RAB28: variants seen among roughly 807,000 people sequenced by gnomAD.
The protein encoded by RAB28 is ras-related protein Rab-28.
A neutral mutation model predicts 31.7 loss-of-function variants in RAB28; 24 were observed. The observed-to-expected ratio is 0.76, with a 90% CI of 0.55 to 1.06. RAB28 has a LOEUF of 1.06. Among genes scored for constraint, RAB28 ranks in the 50% least tolerant of loss-of-function variants. The pLI, the probability that RAB28 is intolerant of heterozygous loss-of-function variation, is 0.00. For synonymous variants in RAB28, 100 were observed against 90.4 expected, an observed-to-expected ratio of 1.11 and a Z score of -0.60; for missense variants, 254 against 258.5, an observed-to-expected ratio of 0.98 and a Z score of 0.12.
At chr4:13,483,820 G>C (rs1326715587) in intron 1 of RAB28, among the ~76,000 whole-genome samples, 1 of 152,244 alleles carries the variant, frequency 6.6e-6, no homozygotes, top group Non-Finnish European at 1.5e-5. Context: ...TGAAAGGCTG[G>C]CCCGAGTCTT....
chr4:13,427,979 G>A (rs1417367552), intron 4 of RAB28, among the ~76,000 whole-genome samples: 1 of 152,148 alleles, frequency 6.6e-6, no homozygotes, highest in Non-Finnish European at 1.5e-5. Context: ...CCTTTTAAGG[G>A]CTTAGAACTC....
chr4:13,432,415 C>T (rs1293465597), intron 4 of RAB28, among the ~76,000 whole-genome samples: 1 of 152,078 alleles, frequency 6.6e-6, no homozygotes, highest in East Asian at 1.9e-4. Flanking sequence ...GAGAGGTCAA[C>T]ATCCAGAGAA....
At chr4:13,436,203 G>A (rs1459638387) in intron 4 of RAB28, among the ~76,000 whole-genome samples, 1 of 151,926 alleles carries the variant, frequency 6.6e-6, no homozygotes, top group Non-Finnish European at 1.5e-5. Flanking sequence ...AAAGAAACAT[G>A]CCTCAAAATA....
In RAB28 at chr4:13,459,803, A is replaced by T. The variant is rs907015198; in HGVS notation, c.391+896T>A. 2.4e-6 allele frequency: 3 copies of T among 1,231,766 alleles called. No individual in the cohort carries two copies. In the African/African-American group the frequency reaches 4.7e-5, roughly 19 times the overall value. The allele number at this position is 1,231,766 out of a possible 1,614,324, so 76.3% of individuals were successfully genotyped here. A position where few individuals can be genotyped will look rare whatever the true frequency, so the allele number is the denominator to read the frequency against. On this transcript the variant is annotated intron_variant, in intron 4 of 6. Transcript: ENST00000330852. ...TGTAGACACTTCTTTCTTCCCTAAAATAGGAGATCATTCAATGAAATGCAT... is the reference window on the plus strand; with the variant it reads ...TGTAGACACTTCTTTCTTCCCTAAATTAGGAGATCATTCAATGAAATGCAT...
At chr4:13,370,566 G>A in intron 6 of RAB28, 1 of 945,976 alleles carries the variant, frequency 1.1e-6, no homozygotes, top group Non-Finnish European at 1.3e-6. Flanking sequence ...CACAGAGGAA[G>A]GAGTAATTAA....
At chr4:13,407,633 T>C (rs368576815) in intron 4 of RAB28, among the ~76,000 whole-genome samples, 1 of 152,248 alleles carries the variant, frequency 6.6e-6, no homozygotes, top group African/African-American at 2.4e-5. Flanking sequence ...ATTCTTCCTA[T>C]GAATGAGCAT....
At chr4:13,478,300 G>C (rs73817414) in intron 2 of RAB28, among the ~76,000 whole-genome samples, 8,519 of 151,676 alleles carry the variant, frequency 0.056, 547 homozygotes, top group African/African-American at 0.16. Context: ...ACCTCTTGCT[G>C]AACAATAACC....
chr4:13,454,760 G>A (rs1715201927), intron 4 of RAB28, among the ~76,000 whole-genome samples: 1 of 152,194 alleles, frequency 6.6e-6, no homozygotes, highest in Non-Finnish European at 1.5e-5. Flanking sequence ...TTTGCAGTCT[G>A]TTATTCTGGC....
chr4:13,381,128 T>C (rs1343339764), intron 5 of RAB28, among the ~76,000 whole-genome samples: 1 of 151,932 alleles, frequency 6.6e-6, no homozygotes, highest in Non-Finnish European at 1.5e-5. Context: ...AGTAGTACAA[T>C]ATCTATAATA....
At chr4:13,476,851 A>G (rs1238500670) in intron 2 of RAB28, among the ~76,000 whole-genome samples, 1 of 151,602 alleles carries the variant, frequency 6.6e-6, no homozygotes, top group Non-Finnish European at 1.5e-5. Context: ...GTTCCTCTGT[A>G]AGAAATGACA....
At chr4:13,389,573 C>A (rs1014358923) in intron 4 of RAB28, among the ~76,000 whole-genome samples, 1 of 152,084 alleles carries the variant, frequency 6.6e-6, no homozygotes, top group Admixed American at 6.5e-5. Context: ...TATAATGACT[C>A]TTGAAGTACT....
chr4:13,425,492 T>G (rs1311909022), intron 4 of RAB28, among the ~76,000 whole-genome samples: 3 of 152,122 alleles, frequency 2.0e-5, no homozygotes, highest in African/African-American at 7.2e-5. Context: ...ATTGGTATAT[T>G]CAATCTAGCA....
intron 4 of RAB28, among the ~76,000 whole-genome samples, chr4:13,444,286 C>A (rs538746815): frequency 3.2e-4 from 49 of 152,228 alleles, no homozygotes; most frequent in Admixed American, 2.1e-3. Flanking sequence ...CTCAGCCTCC[C>A]AAAGTGTTGG....
chr4:13,415,791 G>A (rs2108914557), intron 4 of RAB28, among the ~76,000 whole-genome samples: 1 of 152,344 alleles, frequency 6.6e-6, no homozygotes, highest in Non-Finnish European at 1.5e-5. Context: ...GGACTGGCAG[G>A]CAGCTCCACC....
chr4:13,368,356 A>ACT lies in RAB28; in HGVS notation c.*201_*202insAG, dbSNP rs1285435782. 8.2e-7 allele frequency: 1 copy of ACT among 1,214,488 alleles called. No individual in the cohort carries two copies. Among genetic ancestry groups the ACT allele is most frequent in the African/African-American group, 1.6e-5 (1 of 63,800 alleles). 75.2% of individuals were successfully genotyped at this position (1,214,488 alleles called of 1,614,324 possible). On this transcript the variant is annotated 3_prime_UTR_variant, in exon 7 of 7. Transcript: ENST00000330852. ...AATGGGTTTTCCATTTTGAATTCAA[A>ACT]GTGTGTGGTCCCAAAGTTGAATTCT...
chr4:13,396,906 A>C (rs187751718), intron 4 of RAB28, among the ~76,000 whole-genome samples: 4 of 152,220 alleles, frequency 2.6e-5, no homozygotes, highest in Admixed American at 1.3e-4. Context: ...GACTTTATGA[A>C]GTCAAATATT....
chr4:13,473,148 C>A (rs2108971255), intron 3 of RAB28, among the ~76,000 whole-genome samples: 1 of 152,046 alleles, frequency 6.6e-6, no homozygotes, highest in South Asian at 2.1e-4. Flanking sequence ...TATTTTTCAT[C>A]CAAAATCAAG....
chr4:13,453,400 ATTTC>A (rs973979934), intron 4 of RAB28, among the ~76,000 whole-genome samples: 4 of 151,856 alleles, frequency 2.6e-5, no homozygotes, highest in African/African-American at 4.8e-5. Context: ...GTTGGGAAAG[ATTTC>A]TTTCTTTCTC....
rs143114610 is a variant in RAB28, at chr4:13,435,656, C to T, written c.391+25043G>A. 4.6e-3 allele frequency among the ~76,000 whole-genome samples: 697 copies of T among 152,274 alleles called. 6 individuals carry two copies. Among genetic ancestry groups the T allele is most frequent in the African/African-American group, 0.016 (664 of 41,552 alleles). On this transcript the variant is annotated intron_variant, in intron 4 of 6. Coordinates refer to ENST00000330852, the MANE Select transcript of RAB28 (RefSeq NM_001017979.3). ...TGGATAAATTCCTGGAAACACACAA[C>T]CTTCAATATTAAACCAGAAATAAAT... is the stretch of plus-strand genomic sequence containing the variant.
Sources: allele counts gnomAD v4.1 joint callset (sites outside exome capture counted in the v4.1 genomes callset), GRCh38; gene constraint gnomAD v4.1.1; transcripts MANE v1.5; gene names NCBI Gene and HGNC (gene_info 2026-07-23, HGNC 2026-07-21).